The following AKAP6 variants were observed in gnomAD, a reference collection of about 807,000 sequenced individuals.
AKAP6 encodes the protein A-kinase anchoring protein 6, also known as A-kinase anchor protein 6.
AKAP6 carries 58 observed loss-of-function variants against 188.5 expected under a neutral mutation model. That is an observed-to-expected ratio of 0.31 (90% CI 0.25 to 0.38). The LOEUF (loss-of-function observed/expected upper bound fraction) is 0.38. AKAP6 is among the 10% of genes least tolerant of loss of function. The pLI, the probability that AKAP6 is intolerant of heterozygous loss-of-function variation, is 1.00. For synonymous variants in AKAP6, 989 were observed against 998.6 expected (o/e 0.99, Z 0.18); for missense variants, 2,710 against 2,740.0 (o/e 0.99, Z 0.24).
At chr14:32,714,647 G>A (rs773886610) in intron 9 of AKAP6, among the ~76,000 whole-genome samples, 7 of 151,582 alleles carry the variant, frequency 4.6e-5, no homozygotes, top group African/African-American at 7.3e-5. Flanking sequence ...TCTCTTTGAC[G>A]TCTTATTTTC....
intron 1 of AKAP6, among the ~76,000 whole-genome samples, chr14:32,407,976 A>T (rs1278980104): frequency 6.6e-6 from 1 of 152,196 alleles, no homozygotes; most frequent in African/African-American, 2.4e-5. Context: ...TTGCCAGATG[A>T]TGTGCAGAAA....
At chr14:32,702,041 C>G (rs1169451437) in intron 9 of AKAP6, among the ~76,000 whole-genome samples, 1 of 151,980 alleles carries the variant, frequency 6.6e-6, no homozygotes, top group Non-Finnish European at 1.5e-5. Flanking sequence ...CAAAATGAAA[C>G]AAATTACAGT....
At chr14:32,816,542 G>A (rs1438979211) in intron 12 of AKAP6, among the ~76,000 whole-genome samples, 5 of 152,238 alleles carry the variant, frequency 3.3e-5, no homozygotes, top group African/African-American at 1.2e-4. Flanking sequence ...GTCTAATTTA[G>A]GAAAATAATT....
At chr14:32,412,446 C>A (rs553479312) in intron 1 of AKAP6, among the ~76,000 whole-genome samples, 1 of 152,286 alleles carries the variant, frequency 6.6e-6, no homozygotes, top group African/African-American at 2.4e-5. Context: ...GATAATTGGA[C>A]ATACGTCATA....
At chr14:32,482,924 A>ACTATATCTATCT (rs1170421301) in intron 2 of AKAP6, among the ~76,000 whole-genome samples, 1 of 151,834 alleles carries the variant, frequency 6.6e-6, no homozygotes, top group Non-Finnish European at 1.5e-5. Flanking sequence ...TATATCTGTG[A>ACTATATCTATCT]GAAATTCTAG....
chr14:32,559,875 G>T (rs1443052112), intron 4 of AKAP6, among the ~76,000 whole-genome samples: 1 of 150,430 alleles, frequency 6.6e-6, no homozygotes, highest in Non-Finnish European at 1.5e-5. Context: ...AATCTTAAGG[G>T]TTATTGAAAT....
chr14:32,647,462 T>C (rs1446993508), intron 7 of AKAP6, among the ~76,000 whole-genome samples: 1 of 152,096 alleles, frequency 6.6e-6, no homozygotes, highest in Non-Finnish European at 1.5e-5. Flanking sequence ...CTTTCACTTT[T>C]TGCAGTCTTC....
intron 7 of AKAP6, among the ~76,000 whole-genome samples, chr14:32,615,628 C>T (rs1886543630): frequency 1.6e-5 from 2 of 125,634 alleles, no homozygotes; most frequent in South Asian, 2.5e-4. Flanking sequence ...CAGAGTCTTG[C>T]TCTGTCACCC....
intron 9 of AKAP6, among the ~76,000 whole-genome samples, chr14:32,699,886 T>A (rs1890555576): frequency 1.3e-5 from 2 of 152,210 alleles, no homozygotes; most frequent in Non-Finnish European, 2.9e-5. Context: ...AAAGTTCAGC[T>A]CCTATTTGGA....
At chr14:32,780,439 A>C (rs1313783466) in intron 12 of AKAP6, among the ~76,000 whole-genome samples, 1 of 152,166 alleles carries the variant, frequency 6.6e-6, no homozygotes, top group Non-Finnish European at 1.5e-5. Context: ...AAATCTAGAG[A>C]TCTAATGTAC....
intron 12 of AKAP6, among the ~76,000 whole-genome samples, chr14:32,775,714 C>T (rs1248948445): frequency 2.6e-5 from 4 of 152,122 alleles, no homozygotes; most frequent in Non-Finnish European, 5.9e-5. Flanking sequence ...CAGGTGTAAG[C>T]CACTGCACTC....
chr14:32,576,501 C>T (rs1342120599), intron 4 of AKAP6, among the ~76,000 whole-genome samples: 1 of 152,094 alleles, frequency 6.6e-6, no homozygotes, highest in Non-Finnish European at 1.5e-5. Flanking sequence ...TGTACATACC[C>T]GAAGTCAAGT....
chr14:32,823,128 A>G lies in AKAP6; in HGVS notation c.5315A>G (p.Asp1772Gly). ...TLTEEELCIK[D>G]EDDDSSIATD... Reference sequence around the variant, plus strand: ...ACTGAAGAAGAGCTGTGCATCAAAGATGAGGATGACGACTCCAGTATTGCA... The same window carrying G: ...ACTGAAGAAGAGCTGTGCATCAAAGGTGAGGATGACGACTCCAGTATTGCA... Residue 1772 changes from aspartate (D) to glycine (G), a missense_variant, in exon 13 of 14, where the codon GAT (aspartate) becomes GGT (glycine). Physicochemically the swap from Asp to Gly is moderately conservative, Grantham distance 94 (BLOSUM62 -1). Transcript: ENST00000280979. 6.2e-7 allele frequency: 1 copy of G among 1,613,788 alleles called. No individual in the cohort carries two copies. The highest frequency in any genetic ancestry group is 8.5e-7 in the Non-Finnish European group (1 of 1,179,866).
chr14:32,603,096 G>C (rs1885997264), intron 7 of AKAP6, among the ~76,000 whole-genome samples: 1 of 152,192 alleles, frequency 6.6e-6, no homozygotes, highest in African/African-American at 2.4e-5. Flanking sequence ...ATCAGGGAGG[G>C]ATTGTCATTC....
At chr14:32,777,761 G>T (rs1396828424) in intron 12 of AKAP6, among the ~76,000 whole-genome samples, 1 of 152,120 alleles carries the variant, frequency 6.6e-6, no homozygotes, top group Non-Finnish European at 1.5e-5. Flanking sequence ...GTGGAAGCTG[G>T]GTGCTCTTGC....
chr14:32,674,937 G>A (rs2139625646), intron 7 of AKAP6, among the ~76,000 whole-genome samples: 1 of 152,254 alleles, frequency 6.6e-6, no homozygotes, highest in East Asian at 1.9e-4. Context: ...TTGGGAGGGA[G>A]AATGACTGAT....
chr14:32,559,507 A>G (rs1883837475), intron 4 of AKAP6, among the ~76,000 whole-genome samples: 2 of 152,228 alleles, frequency 1.3e-5, no homozygotes, highest in African/African-American at 4.8e-5. Flanking sequence ...CTAATTCGCA[A>G]TCTTTGCGAA....
At chr14:32,404,074 A>G (rs1351699671) in intron 1 of AKAP6, among the ~76,000 whole-genome samples, 1 of 152,212 alleles carries the variant, frequency 6.6e-6, no homozygotes, top group Non-Finnish European at 1.5e-5. Flanking sequence ...TTTGAATTTC[A>G]GTGAATGTAC....
At chr14:32,445,606 A>G (rs1215203501) in intron 2 of AKAP6, among the ~76,000 whole-genome samples, 1 of 152,006 alleles carries the variant, frequency 6.6e-6, no homozygotes, top group Non-Finnish European at 1.5e-5. Context: ...TGAACCCCTG[A>G]CCTCAAGTGA....
Sources: allele counts gnomAD v4.1 joint callset (sites outside exome capture counted in the v4.1 genomes callset), GRCh38; gene constraint gnomAD v4.1.1; transcripts MANE v1.5; gene names NCBI Gene and HGNC (gene_info 2026-07-23, HGNC 2026-07-21).